Variants in GREB1 observed in about 807,000 individuals in gnomAD.
GREB1 encodes growth regulating estrogen receptor binding 1.
A neutral mutation model predicts 200.7 loss-of-function variants in GREB1; 106 were observed. That is an observed-to-expected ratio of 0.53 (90% confidence interval 0.45 to 0.62). GREB1 has a LOEUF of 0.62. Ranked by LOEUF, GREB1 falls within the 20% of genes least tolerant of loss-of-function variation. The pLI is 0.00. For synonymous variants in GREB1, 1,132 were observed against 1,092.4 expected, an observed-to-expected ratio of 1.04 and a Z score of -0.72; for missense variants, 2,243 against 2,556.8, an observed-to-expected ratio of 0.88 and a Z score of 2.65.
rs1674460296 is a variant in GREB1 at position 11,538,774 on chromosome 2, TCCCGTCTTCCTTCCTTCCTTCC to T, written c.-162+4522_-162+4543del. Among the ~76,000 whole-genome samples, 4 of 24,074 alleles carry T rather than the reference TCCCGTCTTCCTTCCTTCCTTCC, an allele frequency of 1.7e-4. 1 individual carries two copies. The highest frequency in any genetic ancestry group is 3.4e-4 in the African/African-American group (4 of 11,716). The allele number at this position is 24,074 out of a possible 152,430, so 15.8% of individuals were successfully genotyped here. ...TTCCTTCCTTTCTTCCTTCCTTCCT[TCCCGTCTTCCTTCCTTCCTTCC>T]CTTCTTTACTTCCTTCCTTCCTCCC... On this transcript the variant is annotated intron_variant, in intron 1 of 32. Coordinates refer to ENST00000381486, the MANE Select transcript of GREB1 (RefSeq NM_014668.4).
At chr2:11,612,377 G>T in intron 18 of GREB1, 118 bp from the exon 19 acceptor site, 1 of 1,431,710 alleles carries the variant, frequency 7.0e-7, no homozygotes, top group East Asian at 2.6e-5. Flanking sequence ...TTTCCTTTTG[G>T]TCAGAAGATA....
chr2:11,605,248 C>CA (rs952659241), intron 17 of GREB1, among the ~76,000 whole-genome samples: 3 of 134,850 alleles, frequency 2.2e-5, no homozygotes, highest in Admixed American at 1.7e-4. Flanking sequence ...TTTTTTGAGA[C>CA]AGAGTCTCAC....
intron 1 of GREB1, among the ~76,000 whole-genome samples, chr2:11,509,027 A>C (rs1382961029): frequency 6.6e-6 from 1 of 151,790 alleles, no homozygotes; most frequent in Non-Finnish European, 1.5e-5. Flanking sequence ...GGCGCCCGCC[A>C]CCACGCCCGG....
At chr2:11,605,513 C>A (rs1220746769) in intron 17 of GREB1, among the ~76,000 whole-genome samples, 1 of 152,104 alleles carries the variant, frequency 6.6e-6, no homozygotes, top group Non-Finnish European at 1.5e-5. Flanking sequence ...CGTGAGCCAC[C>A]GTGCCCGGCT....
At chr2:11,619,379 C>G (rs1295684066) in intron 22 of GREB1, among the ~76,000 whole-genome samples, 1 of 152,160 alleles carries the variant, frequency 6.6e-6, no homozygotes, top group Non-Finnish European at 1.5e-5. Context: ...GGCAGAATCT[C>G]CTGTGCGTGA....
chr2:11,559,344 T>TC (rs1270319080), intron 2 of GREB1, among the ~76,000 whole-genome samples: 1 of 152,202 alleles, frequency 6.6e-6, no homozygotes, highest in Non-Finnish European at 1.5e-5. Flanking sequence ...TGGCGGATCT[T>TC]CCCATCACAG....
intron 4 of GREB1, among the ~76,000 whole-genome samples, chr2:11,575,591 T>A (rs1239790059): frequency 2.0e-5 from 3 of 152,162 alleles, no homozygotes; most frequent in African/African-American, 7.2e-5. Context: ...TAGCAGAGTG[T>A]CTCCATCCAC....
chr2:11,595,368 C>T lies in GREB1; in HGVS notation c.1814C>T (p.Thr605Ile). Residue 605 changes from threonine (T) to isoleucine (I), a missense_variant, in exon 12 of 33, where the codon ACC (threonine) becomes ATC (isoleucine). Around this residue, in one of 3 missense-constraint regions of GREB1, gnomAD observed 1,178 missense variants for 1,387.4 expected, o/e 0.85. Coordinates refer to ENST00000381486, the MANE Select transcript of GREB1 (RefSeq NM_014668.4). ...KVDSLGAFFS[T>I]LCPEGDIDIL... Reference sequence around the variant, plus strand: ...GACTCGCTGGGGGCCTTCTTTAGCACCCTCTGTCCAGGTAGGCTTGTCGTG... The same window carrying T: ...GACTCGCTGGGGGCCTTCTTTAGCATCCTCTGTCCAGGTAGGCTTGTCGTG... 6.2e-7 allele frequency: 1 copy of T among 1,613,588 alleles called. No homozygotes were observed.
At chr2:11,537,399 A>G (rs1018129438) in intron 1 of GREB1, among the ~76,000 whole-genome samples, 3 of 152,074 alleles carry the variant, frequency 2.0e-5, no homozygotes, top group African/African-American at 2.4e-5. Context: ...TAAGCACCCT[A>G]TACATACTAA....
chr2:11,608,465 G>A (rs934091618), intron 17 of GREB1, among the ~76,000 whole-genome samples: 18 of 152,230 alleles, frequency 1.2e-4, no homozygotes, highest in African/African-American at 3.9e-4. Flanking sequence ...AATACCAGAC[G>A]TTGTTAATTT....
At chr2:11,553,904 G>A (rs1676179656) in intron 1 of GREB1, among the ~76,000 whole-genome samples, 1 of 152,036 alleles carries the variant, frequency 6.6e-6, no homozygotes, top group African/African-American at 2.4e-5. Flanking sequence ...ATTCTTCAGG[G>A]GCTCCATGTA....
At chr2:11,551,645 G>T (rs1240767512) in intron 1 of GREB1, among the ~76,000 whole-genome samples, 1 of 152,180 alleles carries the variant, frequency 6.6e-6, no homozygotes, top group Admixed American at 6.5e-5. Flanking sequence ...TCGTGCCTTT[G>T]CACTCTCCTG....
Position 11,503,886 on chromosome 2 carries a change from A to G in GREB1, c.-159+21505A>G, listed in dbSNP as rs113095387. On this transcript the variant is annotated intron_variant, in intron 1 of 2. Coordinates refer to the GREB1 transcript ENST00000628795. ...CCTTGTCCATGGGATATATGTTCCA[A>G]GATTCCTAGTGGGTGCCTGAAACCA... Among the ~76,000 whole-genome samples, 1,031 of 152,262 alleles carry G rather than the reference A, an allele frequency of 6.8e-3. 18 individuals are homozygous for G. The highest frequency in any genetic ancestry group is 0.023 in the African/African-American group (974 of 41,546).
At chr2:11,628,287 A>G (rs999662218) in intron 25 of GREB1, among the ~76,000 whole-genome samples, 5 of 152,178 alleles carry the variant, frequency 3.3e-5, no homozygotes, top group Non-Finnish European at 7.3e-5. Context: ...CGAGCAAGGG[A>G]GAGAGGGGTG....
At position 11,616,727 on chromosome 2, in the gene GREB1, C is replaced by T; in HGVS notation, c.3412+7C>T. ...CTCTCCTCCAAGGCTTCCGGTGAGT[C>T]TTCCCACACGGGAAGGACCAGACCA... On this transcript the variant is annotated splice_region_variant and intron_variant, in intron 21 of 32. Transcript: ENST00000381486. 6.3e-7 allele frequency: 1 copy of T among 1,578,308 alleles called. No individual in the cohort carries two copies. The highest frequency in any genetic ancestry group is 2.2e-5 in the East Asian group (1 of 44,742).
At chr2:11,610,131 A>T (rs1490867748) in intron 17 of GREB1, among the ~76,000 whole-genome samples, 3 of 152,178 alleles carry the variant, frequency 2.0e-5, no homozygotes, top group Admixed American at 6.5e-5. Context: ...AAAAACTGGG[A>T]TTCTTGATTT....
Position 11,548,253 on chromosome 2 carries a change from T to C in GREB1, c.-161-8201T>C, listed in dbSNP as rs1014577845. ...GCACACATGTGCACATACCCAAACA[T>C]ATGTGCACACACATGTACAGCCAGA... On this transcript the variant is annotated intron_variant, in intron 1 of 32. Coordinates refer to ENST00000381486, the MANE Select transcript of GREB1 (RefSeq NM_014668.4). The surrounding 1 kb of genome is among the most constrained non-coding windows in gnomAD (Gnocchi z 5.1). Among the ~76,000 whole-genome samples, 6 of 149,224 alleles carry C rather than the reference T, an allele frequency of 4.0e-5. No individual in the cohort carries two copies. Among genetic ancestry groups the C allele is most frequent in the African/African-American group, 1.5e-4 (6 of 40,304 alleles).
At chr2:11,605,226 T>A (rs1202067018) in intron 17 of GREB1, among the ~76,000 whole-genome samples, 1 of 144,342 alleles carries the variant, frequency 6.9e-6, no homozygotes, top group Non-Finnish European at 1.5e-5. Flanking sequence ...ACCGTATATC[T>A]TTTTTTTTCT....
chr2:11,597,884 G>A lies in GREB1; in HGVS notation c.2058G>A (p.Leu686=). Residue 686 remains leucine (L), a synonymous_variant, in exon 14 of 33, where the codon CTG becomes CTA. Coordinates refer to ENST00000381486, the MANE Select transcript of GREB1 (RefSeq NM_014668.4). This position sits in a 1 kb window ranked among gnomAD's most constrained non-coding sequence, Gnocchi z 4.1. ...CSIADSSTQN[L]DLGSFEKVDF... ...TTGCGGATTCCAGCACCCAAAATCTGGACCTGGGATCCTTTGAGAAGGTGG... is the reference window on the plus strand; with the variant it reads ...TTGCGGATTCCAGCACCCAAAATCTAGACCTGGGATCCTTTGAGAAGGTGG... The A allele has an allele frequency of 1.2e-6, 2 of 1,614,160 alleles. No individual in the cohort carries two copies. The highest frequency in any genetic ancestry group is 1.3e-5 in the African/African-American group (1 of 75,048).
Sources: allele counts gnomAD v4.1 joint callset (sites outside exome capture counted in the v4.1 genomes callset), GRCh38; gene constraint gnomAD v4.1.1; regional missense constraint gnomAD v4.1.1; non-coding constraint Gnocchi (gnomAD v3.1); transcripts MANE v1.5; gene names NCBI Gene and HGNC (gene_info 2026-07-23, HGNC 2026-07-21).